The following TUBGCP6 variants were observed in gnomAD, a reference collection of about 807,000 sequenced individuals.
The protein encoded by TUBGCP6 is tubulin gamma complex component 6, also known as gamma-tubulin complex component 6.
In TUBGCP6, 161 loss-of-function variants were observed where a neutral mutation model predicts 175.8. The ratio of observed to expected loss-of-function variants is 0.92; its 90% CI spans 0.81 to 1.04. TUBGCP6 has a LOEUF of 1.04. TUBGCP6 is among the 50% of genes least tolerant of loss of function. TUBGCP6 has a pLI of 0.00. For synonymous variants in TUBGCP6, 1,173 were observed against 1,030.5 expected (o/e 1.14, Z -2.65); for missense variants, 2,572 against 2,433.0 (o/e 1.06, Z -1.20).
At chr22:50,222,226 G>A (rs966286511) in intron 14 of TUBGCP6, 124 bp from the exon 15 acceptor site, 2 of 1,189,814 alleles carry the variant, frequency 1.7e-6, no homozygotes, top group South Asian at 2.8e-5. Context: ...GGCTTGTGCT[G>A]GGCTCCAGTG....
chr22:50,239,998 A>G (rs2064820392), intron 2 of TUBGCP6, among the ~76,000 whole-genome samples: 1 of 152,010 alleles, frequency 6.6e-6, no homozygotes, highest in African/African-American at 2.4e-5. Flanking sequence ...TGGGGAGGTG[A>G]GGCCTCCTTA....
intron 2 of TUBGCP6, among the ~76,000 whole-genome samples, chr22:50,235,663 C>T (rs2064769540): frequency 6.6e-6 from 1 of 152,166 alleles, no homozygotes; most frequent in African/African-American, 2.4e-5. Context: ...AAGTGGAGGC[C>T]AGGTGCGGTG....
Position 50,226,177 on chromosome 22 carries a change from C to T in TUBGCP6, c.1706G>A (p.Trp569Ter), listed in dbSNP as rs2064605215. The change falls in exon 9 of 25, where the codon TGG (tryptophan) becomes TAG (stop). Residue 569 changes from tryptophan (W) to a stop codon, truncating the protein, a stop_gained. Transcript: ENST00000248846. LOFTEE classifies it high-confidence loss of function. The part of the protein sequence containing the change: ...EYLSFRDKLY[W>*]THGYVLISKE... The stretch of plus-strand genomic sequence containing the variant: ...GGAGATGAGCACGTAGCCATGTGTC[C>T]AGTACAACTTATCTAAGGTAGGGTG... 1 of 1,614,008 alleles carries T rather than the reference C, an allele frequency of 6.2e-7. No homozygotes were observed. The highest frequency in any genetic ancestry group is 8.5e-7 in the Non-Finnish European group (1 of 1,180,032).
chr22:50,242,600 T>C (rs7364173), intron 1 of TUBGCP6, among the ~76,000 whole-genome samples: 59,199 of 152,198 alleles, frequency 0.39, 11,525 homozygotes, highest in African/African-American at 0.41. Flanking sequence ...CTAGTAACAA[T>C]GTATCCTTTT....
At position 50,221,518 on chromosome 22, in the gene TUBGCP6, C is replaced by T; in HGVS notation, c.2841G>A (p.Arg947=). 2 of 1,584,580 alleles carry T rather than the reference C, an allele frequency of 1.3e-6. No individual in the cohort carries two copies. Among genetic ancestry groups the T allele is most frequent in the Non-Finnish European group, 1.7e-6 (2 of 1,164,384 alleles). Reference sequence around the variant, plus strand: ...CAGTACTAAAGTCGTACTCCTGTGGCCTGGAGGGCTGAGTGCTGGCTGCTG... The same window carrying T: ...CAGTACTAAAGTCGTACTCCTGTGGTCTGGAGGGCTGAGTGCTGGCTGCTG... ...APAAASTQPS[R]PQEYDFSTVL... Residue 947 remains arginine, a synonymous_variant, in exon 16 of 25, where the codon AGG becomes AGA. Coordinates refer to ENST00000248846, the MANE Select transcript of TUBGCP6 (RefSeq NM_020461.4).
intron 2 of TUBGCP6, 41 bp downstream of exon 2, chr22:50,240,163 G>C (rs540867853): frequency 6.2e-7 from 1 of 1,611,274 alleles, no homozygotes; most frequent in Non-Finnish European, 8.5e-7. Flanking sequence ...GCTCATGCAG[G>C]GGTAGGGGCA....
At chr22:50,239,457 G>A (rs1719058371) in intron 2 of TUBGCP6, among the ~76,000 whole-genome samples, 1 of 152,250 alleles carries the variant, frequency 6.6e-6, no homozygotes, top group Non-Finnish European at 1.5e-5. Flanking sequence ...GATTACAGAT[G>A]TGAGCCACCG....
In TUBGCP6 at chr22:50,220,421, G is replaced by C; in HGVS notation, c.3938C>G (p.Thr1313Ser). ...CAGCCGTGGCCCACAGTCCAGCACA[G>C]TGCTCTGTGCTCCCAGGCTGAGCGC... Reference protein sequence around the residue: ...QSALSLGAQSTVLDCGPRLPV... With the variant: ...QSALSLGAQSSVLDCGPRLPV... The change falls in exon 16 of 25, where the codon ACT (threonine) becomes AGT (serine). Residue 1313 changes from threonine to serine, a missense_variant. Physicochemically the swap from Thr to Ser is moderately conservative, Grantham distance 58. Coordinates refer to ENST00000248846, the MANE Select transcript of TUBGCP6 (RefSeq NM_020461.4). The C allele has an allele frequency of 6.2e-7, 1 of 1,607,854 alleles. No individual in the cohort carries two copies. The highest frequency in any genetic ancestry group is 1.1e-5 in the South Asian group (1 of 90,100).
chr22:50,228,333 C>T (rs900971095), intron 4 of TUBGCP6, among the ~76,000 whole-genome samples: 2 of 39,494 alleles, frequency 5.1e-5, no homozygotes, highest in Non-Finnish European at 1.1e-4. Context: ...CAGGGGCGCC[C>T]ACCACCAACC....
intron 17 of TUBGCP6, 24 bp from the exon 18 acceptor site, chr22:50,219,815 C>T: frequency 6.2e-7 from 1 of 1,609,456 alleles, no homozygotes; most frequent in Non-Finnish European, 8.5e-7. Context: ...AGCCTCAGAA[C>T]CACCTCCCCA....
Position 50,219,092 on chromosome 22 carries a change from G to T in TUBGCP6, c.4602C>A (p.Ser1534=). 6.2e-7 allele frequency: 1 copy of T among 1,612,740 alleles called. No individual in the cohort carries two copies. Among genetic ancestry groups the T allele is most frequent in the Non-Finnish European group, 8.5e-7 (1 of 1,179,978 alleles). ...LLMEDGEFAQ[S]LSDLLFEKLG... Reference sequence around the variant, plus strand: ...CCTTCTCAAAGAGCAGGTCGCTGAGGGACTGGGCGAACTCGCCGTCCTCCA... The same window carrying T: ...CCTTCTCAAAGAGCAGGTCGCTGAGTGACTGGGCGAACTCGCCGTCCTCCA... The change falls in exon 20 of 25, where the codon TCC becomes TCA. Residue 1534 remains serine (S), a synonymous_variant. Coordinates refer to ENST00000248846, the MANE Select transcript of TUBGCP6 (RefSeq NM_020461.4).
At position 50,244,586 on chromosome 22, in the gene TUBGCP6, C is replaced by G; in HGVS notation, c.-127G>C. On this transcript the variant is annotated 5_prime_UTR_variant, in exon 1 of 25. Coordinates refer to ENST00000248846, the MANE Select transcript of TUBGCP6 (RefSeq NM_020461.4). ...GAATGACAGGCGGCCTCTCCAATGC[C>G]GAAGCTCAGAACTGGTATTTTTTAA... 1 of 1,406,998 alleles carries G rather than the reference C, an allele frequency of 7.1e-7. No individual in the cohort carries two copies. Among genetic ancestry groups the G allele is most frequent in the Non-Finnish European group, 9.3e-7 (1 of 1,074,834 alleles). The allele number at this position is 1,406,998 out of a possible 1,614,324, so 87.2% of individuals were successfully genotyped here. A position where few individuals can be genotyped will look rare whatever the true frequency, so the allele number is the denominator to read the frequency against.
Position 50,220,372 on chromosome 22 carries a change from C to G in TUBGCP6, c.3987G>C (p.Leu1329=). The change falls in exon 16 of 25, where the codon CTG becomes CTC. Residue 1329 remains leucine (L), a synonymous_variant. Transcript: ENST00000248846. Reference sequence around the variant, plus strand: ...CCCCGCAGCCCGAGCTGGGGGAGGACAGAGATGGCCCCACTTCTACAGGCA... The same window carrying G: ...CCCCGCAGCCCGAGCTGGGGGAGGAGAGAGATGGCCCCACTTCTACAGGCA... The part of the protein sequence containing the change: ...PRLPVEVGPS[L]SSPSSGCGEG... 1.9e-6 allele frequency: 3 copies of G among 1,566,818 alleles called. No homozygotes were observed. The highest frequency in any genetic ancestry group is 2.6e-6 in the Non-Finnish European group (3 of 1,152,236).
chr22:50,221,037 C>T lies in TUBGCP6; in HGVS notation c.3322G>A (p.Gly1108Arg), dbSNP rs2064513217. ...CTGATGCTGGCGTTGGACACATGTCCATGGATGTTCCACCGTGGCCGAGTG... is the reference window on the plus strand; with the variant it reads ...CTGATGCTGGCGTTGGACACATGTCTATGGATGTTCCACCGTGGCCGAGTG... ...APTRPRWNIH[G>R]HVSNASIRVG... Residue 1108 changes from glycine to arginine, a missense_variant, in exon 16 of 25, where the codon GGA becomes AGA. By Grantham distance (125) the Gly-to-Arg change is moderately radical (BLOSUM62 -2). Coordinates refer to ENST00000248846, the MANE Select transcript of TUBGCP6 (RefSeq NM_020461.4). 6.2e-7 allele frequency: 1 copy of T among 1,612,662 alleles called. No homozygotes were observed. Among genetic ancestry groups the T allele is most frequent in the African/African-American group, 1.3e-5 (1 of 74,724 alleles).
chr22:50,229,447 T>C lies in TUBGCP6; in HGVS notation c.1247A>G (p.Gln416Arg). ...CYTRLSHFSL[Q>R]PVLDSLYSKG... ...GCTGTACAAAGAGTCCAGGACGGGC[T>C]GCAGAGAGAAATGACTCAGGCGCGT... The change falls in exon 4 of 25, where the codon CAG becomes CGG. Residue 416 changes from glutamine (Q) to arginine (R), a missense_variant. Transcript: ENST00000248846. 1 of 1,613,542 alleles carries C rather than the reference T, an allele frequency of 6.2e-7. No homozygotes were observed.
chr22:50,221,775 C>T lies in TUBGCP6; in HGVS notation c.2584G>A (p.Gly862Ser). 1.3e-6 allele frequency: 2 copies of T among 1,513,408 alleles called. No individual in the cohort carries two copies. The highest frequency in any genetic ancestry group is 1.8e-6 in the Non-Finnish European group (2 of 1,131,200). 93.7% of individuals were successfully genotyped at this position (1,513,408 alleles called of 1,614,324 possible). Residue 862 changes from glycine to serine, a missense_variant, in exon 16 of 25, where the codon GGC (glycine) becomes AGC (serine). Transcript: ENST00000248846. The part of the protein sequence containing the change: ...SPAWDGWNRP[G>S]LLTPQPLKPL... ...TTAAGGGGCTGTGGGGTCAGCAGGC[C>T]TGGCCTGTTCCAGCCATCCCAGGCA...
rs780165685 is a variant in TUBGCP6 at position 50,220,142 on chromosome 22, A to C, written c.4108+109T>G. The C allele has an allele frequency of 8.4e-6, 13 of 1,543,972 alleles. No homozygotes were observed. In the East Asian group the frequency reaches 2.8e-4, roughly 33 times the overall value. ...ACAGCAGCCCAGGTCCTGGCTGACA[A>C]GGAGGCCTGAGGGGAACTTCACATG... On this transcript the variant is annotated intron_variant, in intron 16 of 24. Transcript: ENST00000248846.
chr22:50,220,937 C>G lies in TUBGCP6; in HGVS notation c.3422G>C (p.Ser1141Thr), dbSNP rs752411815. The part of the protein sequence containing the change: ...WNTHGHVSNA[S>T]IRVGENVSDV... ...CGACACGTTCTCCCCAACCCTGATGCTGGCGTTGGACACGTGCCCGTGGGT... is the reference window on the plus strand; with the variant it reads ...CGACACGTTCTCCCCAACCCTGATGGTGGCGTTGGACACGTGCCCGTGGGT... The change falls in exon 16 of 25, where the codon AGC (serine) becomes ACC (threonine). Residue 1141 changes from serine (S) to threonine (T), a missense_variant. By Grantham distance (58) the Ser-to-Thr change is moderately conservative (BLOSUM62 1). Transcript: ENST00000248846. 6.2e-7 allele frequency: 1 copy of G among 1,606,616 alleles called. No homozygotes were observed. The highest frequency in any genetic ancestry group is 1.1e-5 in the South Asian group (1 of 90,730).
rs766015083 is a variant in TUBGCP6 at position 50,224,553 on chromosome 22, G to C, written c.2023C>G (p.His675Asp). 4 of 1,614,162 alleles carry C rather than the reference G, an allele frequency of 2.5e-6. No homozygotes were observed. The highest frequency in any genetic ancestry group is 3.3e-5 in the Admixed American group (2 of 60,028). Residue 675 changes from histidine (H) to aspartate (D), a missense_variant, in exon 11 of 25, where the codon CAT becomes GAT. His to Asp is a moderately conservative substitution (Grantham distance 81). Transcript: ENST00000248846. ...MEIAKQELIA[H>D]AREAASRVLS... ...ACCCTGGATGCTGCTTCCCGGGCAT[G>C]AGCGATTAATTCTTGTTTTGCAATT... is the stretch of plus-strand genomic sequence containing the variant.
Sources: gnomAD v4.1 joint callset for allele counts (sites outside exome capture counted in the v4.1 genomes callset) on GRCh38, gnomAD v4.1.1 for gene constraint, MANE v1.5 for transcripts, NCBI Gene and HGNC (gene_info 2026-07-23, HGNC 2026-07-21) for gene names.